Variants in RPS6KB1 observed in about 807,000 individuals in gnomAD.
The protein encoded by RPS6KB1 is ribosomal protein S6 kinase B1.
Under a neutral mutation model 70.2 loss-of-function variants are expected in RPS6KB1, and 12 were observed. The ratio of observed to expected loss-of-function variants is 0.17; its 90% confidence interval spans 0.11 to 0.28. RPS6KB1 has a LOEUF of 0.28. Among genes scored for constraint, RPS6KB1 ranks in the 10% least tolerant of loss-of-function variants. The probability of loss-of-function intolerance (pLI) is 1.00; values close to 1 mark genes in which losing one functional copy is unlikely to be tolerated. For missense variants in RPS6KB1, 270 were observed against 646.6 expected, an observed-to-expected ratio of 0.42 and a Z score of 6.32; for synonymous variants, 175 against 211.2, an observed-to-expected ratio of 0.83 and a Z score of 1.49.
chr17:59,938,520 T>A (rs2044384619), intron 12 of RPS6KB1, among the ~76,000 whole-genome samples: 1 of 152,128 alleles, frequency 6.6e-6, no homozygotes, highest in African/African-American at 2.4e-5. Context: ...AGAAACTGGG[T>A]CATTTGTCCT....
intron 4 of RPS6KB1, among the ~76,000 whole-genome samples, chr17:59,922,835 C>T (rs1375372369): frequency 3.3e-5 from 5 of 150,698 alleles, no homozygotes; most frequent in South Asian, 2.1e-4. Flanking sequence ...TGAGCCACTG[C>T]GCCTGGCCCT....
intron 1 of RPS6KB1, among the ~76,000 whole-genome samples, chr17:59,899,413 A>G (rs1037929739): frequency 3.9e-5 from 6 of 152,210 alleles, no homozygotes; most frequent in African/African-American, 1.4e-4. Context: ...AGGTCTGGCC[A>G]GCTTAGGAAA....
chr17:59,950,130 C>T lies in RPS6KB1; in HGVS notation c.*3342C>T, dbSNP rs2045134739. ...TGGTCTGTTGCTGATTAATACAGTA[C>T]TTTTTCTTGTGTGATTCTTAACATT... On this transcript the variant is annotated 3_prime_UTR_variant, in exon 15 of 15. Coordinates refer to ENST00000225577, the MANE Select transcript of RPS6KB1 (RefSeq NM_003161.4). 1 of 152,484 alleles carries T rather than the reference C, an allele frequency of 6.6e-6. No homozygotes were observed. Among genetic ancestry groups the T allele is most frequent in the Non-Finnish European group, 1.5e-5 (1 of 67,954 alleles). 9.4% of individuals were successfully genotyped at this position (152,484 alleles called of 1,614,324 possible). A position where few individuals can be genotyped will look rare whatever the true frequency, so the allele number is the denominator to read the frequency against.
At chr17:59,944,879 A>G (rs181334309) in intron 13 of RPS6KB1, among the ~76,000 whole-genome samples, 2 of 150,192 alleles carry the variant, frequency 1.3e-5, no homozygotes, top group Non-Finnish European at 3.0e-5. Context: ...GCTCACTGCA[A>G]CCTCCACCTA....
At chr17:59,895,894 A>G (rs1260625066) in intron 1 of RPS6KB1, among the ~76,000 whole-genome samples, 2 of 152,160 alleles carry the variant, frequency 1.3e-5, no homozygotes, top group Non-Finnish European at 1.5e-5. Flanking sequence ...TGGCCTCTCA[A>G]AGTGCTGGGA....
chr17:59,914,679 A>C lies in RPS6KB1; in HGVS notation c.357A>C (p.Ile119=). The change falls in exon 4 of 15, where the codon ATA becomes ATC. Residue 119 remains isoleucine (I), a synonymous_variant. Transcript: ENST00000225577. ...RKVTGANTGK[I]FAMKVLKKAM... is the part of the protein sequence containing the mutation. ...TAACAGGAGCAAATACTGGGAAAAT[A>C]TTTGCCATGAAGGTGCTTAAAAAGG... is the stretch of plus-strand genomic sequence containing the variant. 1 of 1,612,626 alleles carries C rather than the reference A, an allele frequency of 6.2e-7. No individual in the cohort carries two copies.
intron 2 of RPS6KB1, among the ~76,000 whole-genome samples, chr17:59,910,943 T>A (rs1442157689): frequency 6.6e-6 from 1 of 152,204 alleles, no homozygotes; most frequent in East Asian, 1.9e-4. Flanking sequence ...CTTTCTGTTT[T>A]GCTTAAATAT....
chr17:59,915,773 A>ATTTT (rs1157185738), intron 4 of RPS6KB1, among the ~76,000 whole-genome samples: 1 of 86,212 alleles, frequency 1.2e-5, no homozygotes, highest in Non-Finnish European at 2.1e-5. Flanking sequence ...GCCTACTGCT[A>ATTTT]TCTTTTTTTT....
At chr17:59,924,897 C>T (rs1446579761) in intron 4 of RPS6KB1, among the ~76,000 whole-genome samples, 1 of 151,754 alleles carries the variant, frequency 6.6e-6, no homozygotes, top group Non-Finnish European at 1.5e-5. Flanking sequence ...GGCGTGATCT[C>T]GGCTCACTGC....
At chr17:59,943,290 G>A (rs2044722544) in intron 13 of RPS6KB1, among the ~76,000 whole-genome samples, 1 of 152,110 alleles carries the variant, frequency 6.6e-6, no homozygotes, top group African/African-American at 2.4e-5. Flanking sequence ...TTTCTCTCAT[G>A]TACTACAGAT....
intron 1 of RPS6KB1, among the ~76,000 whole-genome samples, chr17:59,899,877 G>A (rs1478168816): frequency 6.6e-6 from 1 of 151,918 alleles, no homozygotes; most frequent in Non-Finnish European, 1.5e-5. Context: ...AATACTATCA[G>A]TTTTTGGCTG....
chr17:59,913,401 G>T (rs1193568594), intron 3 of RPS6KB1, among the ~76,000 whole-genome samples: 1 of 152,152 alleles, frequency 6.6e-6, no homozygotes, highest in Non-Finnish European at 1.5e-5. Flanking sequence ...AATTATTTTT[G>T]CTATTGTGTA....
At position 59,946,824 on chromosome 17, in the gene RPS6KB1, G is replaced by C; in HGVS notation, c.*36G>C. The C allele has an allele frequency of 6.2e-7, 1 of 1,609,444 alleles. No individual in the cohort carries two copies. Among genetic ancestry groups the C allele is most frequent in the Non-Finnish European group, 8.5e-7 (1 of 1,176,636 alleles). ...CTTTTAATGAATTTAAGGCAAAAAA[G>C]GTGGAGAGGGAGATGTGTGAGCATC... On this transcript the variant is annotated 3_prime_UTR_variant, in exon 15 of 15. Transcript: ENST00000225577. The surrounding 1 kb of genome is among the most constrained non-coding windows in gnomAD (Gnocchi z 4.2).
intron 1 of RPS6KB1, among the ~76,000 whole-genome samples, chr17:59,895,418 T>TGAGC (rs1454384612): frequency 7.1e-6 from 1 of 141,202 alleles, no homozygotes; most frequent in East Asian, 2.2e-4. Context: ...GCCTCCCAGG[T>TGAGC]TCAAGCGATT....
At position 59,893,189 on chromosome 17, in the gene RPS6KB1, G is replaced by C; in HGVS notation, c.5G>C (p.Arg2Thr). The C allele has an allele frequency of 1.3e-6, 2 of 1,595,238 alleles. No homozygotes were observed. The highest frequency in any genetic ancestry group is 1.7e-6 in the Non-Finnish European group (2 of 1,171,772). MRRRRRRDGFYP... is the reference protein window; with the variant it reads MTRRRRRDGFYP... ...GGCTGCGGCGGGTCCGGGCCCATGA[G>C]GCGACGAAGGAGGCGGGACGGCTTT... is the stretch of plus-strand genomic sequence containing the variant. Residue 2 changes from arginine to threonine, a missense_variant, in exon 1 of 15, where the codon AGG (arginine) becomes ACG (threonine). Coordinates refer to ENST00000225577, the MANE Select transcript of RPS6KB1 (RefSeq NM_003161.4). The surrounding 1 kb of genome is among the most constrained non-coding windows in gnomAD (Gnocchi z 4.1).
chr17:59,938,795 C>T (rs116831869), intron 12 of RPS6KB1, among the ~76,000 whole-genome samples: 6,294 of 147,288 alleles, frequency 0.043, 463 homozygotes, highest in African/African-American at 0.15. Flanking sequence ...CATTTCACTA[C>T]CAGGGTAATT....
intron 1 of RPS6KB1, among the ~76,000 whole-genome samples, chr17:59,901,433 G>T (rs2041934185): frequency 1.3e-5 from 2 of 150,088 alleles, no homozygotes; most frequent in East Asian, 4.1e-4. Flanking sequence ...ACAGGCGTGA[G>T]CCACCGCGCC....
rs1162851423 is a variant in RPS6KB1, at chr17:59,932,242, A to G, written c.688+520A>G. Among the ~76,000 whole-genome samples, 13 of 148,218 alleles carry G rather than the reference A, an allele frequency of 8.8e-5. 1 individual carries two copies. The East Asian group carries it at 2.6e-3, about 29-fold the overall frequency. ...ACATGGTGAAACCCCATCTCTACAA[A>G]AATACAAAAAAAAAAAAAAATTAGC... On this transcript the variant is annotated intron_variant, in intron 7 of 14. Coordinates refer to ENST00000225577, the MANE Select transcript of RPS6KB1 (RefSeq NM_003161.4).
At chr17:59,901,641 A>AAAAAAG (rs1568382663) in intron 1 of RPS6KB1, among the ~76,000 whole-genome samples, 1 of 146,730 alleles carries the variant, frequency 6.8e-6, no homozygotes, top group Non-Finnish European at 1.5e-5. Context: ...AAAAAAAAAA[A>AAAAAAG]AAAAAGAAAA....
Sources: allele counts gnomAD v4.1 joint callset (sites outside exome capture counted in the v4.1 genomes callset), GRCh38; gene constraint gnomAD v4.1.1; non-coding constraint Gnocchi (gnomAD v3.1); transcripts MANE v1.5; gene names NCBI Gene and HGNC (gene_info 2026-07-23, HGNC 2026-07-21).